ANKRD30A: variants seen among roughly 807,000 people sequenced by gnomAD.
The protein encoded by ANKRD30A is ankyrin repeat domain 30A, also known as ankyrin repeat domain-containing protein 30A.
A neutral mutation model predicts 166.3 loss-of-function variants in ANKRD30A; 170 were observed. The observed-to-expected ratio is 1.02, with a 90% CI of 0.90 to 1.16. The LOEUF (loss-of-function observed/expected upper bound fraction) is 1.16. Among genes scored for constraint, ANKRD30A ranks in the 50% most tolerant of loss-of-function variants. The probability of loss-of-function intolerance (pLI) is 0.00; values close to 1 mark genes in which losing one functional copy is unlikely to be tolerated. For synonymous variants in ANKRD30A, 564 were observed against 508.9 expected (o/e 1.11, Z -1.46); for missense variants, 1,630 against 1,518.0 (o/e 1.07, Z -1.23).
chr10:37,125,846 C>A lies in ANKRD30A; in HGVS notation c.59C>A (p.Pro20His). The A allele has an allele frequency of 7.9e-7, 1 of 1,260,178 alleles. No individual in the cohort carries two copies. Among genetic ancestry groups the A allele is most frequent in the Admixed American group, 2.0e-5 (1 of 50,474 alleles). The allele number at this position is 1,260,178 out of a possible 1,614,324, so 78.1% of individuals were successfully genotyped here. A position where few individuals can be genotyped will look rare whatever the true frequency, so the allele number is the denominator to read the frequency against. The change falls in exon 1 of 36, where the codon CCT (proline) becomes CAT (histidine). Residue 20 changes from proline to histidine, a missense_variant. Physicochemically the swap from Pro to His is moderately conservative, Grantham distance 77. Transcript: ENST00000361713. ...GTGCCGGGCCCGGAGCGCCCGAGCCCTTTCAGCCAGCTAGTCTATACCAGC... is the reference window on the plus strand; with the variant it reads ...GTGCCGGGCCCGGAGCGCCCGAGCCATTTCAGCCAGCTAGTCTATACCAGC... ...KVVPGPERPS[P>H]FSQLVYTSND...
Position 37,142,228 on chromosome 10 carries a change from AAGG to A in ANKRD30A, c.1333_1335del (p.Gly445del). On this transcript the variant is annotated inframe_deletion, in exon 7 of 36. Coordinates refer to ENST00000361713, the MANE Select transcript of ANKRD30A (RefSeq NM_052997.3). ...TCTAATAAAACTAAAGTTTTGGAAA[AAGG>A]AAGATCTAAGATGATTGCATGTCCT... The A allele has an allele frequency of 6.2e-7, 1 of 1,608,272 alleles. No individual in the cohort carries two copies. Among genetic ancestry groups the A allele is most frequent in the African/African-American group, 1.3e-5 (1 of 74,446 alleles).
At chr10:37,243,757 T>C in the ANKRD30A span, among the ~76,000 whole-genome samples, 1 of 152,124 alleles carries the variant, frequency 6.6e-6, no homozygotes, top group East Asian at 1.9e-4. Context: ...AAAACACTTG[T>C]AACAAACAGT....
At chr10:37,260,847 T>C in the ANKRD30A span, among the ~76,000 whole-genome samples, 9 of 151,850 alleles carry the variant, frequency 5.9e-5, no homozygotes, top group African/African-American at 2.2e-4. Flanking sequence ...AACTAAACAT[T>C]GAGTATGCAT....
intron 29 of ANKRD30A, among the ~76,000 whole-genome samples, chr10:37,198,370 T>A (rs1384497490): frequency 6.6e-6 from 1 of 152,120 alleles, no homozygotes; most frequent in Admixed American, 6.5e-5. Context: ...ATTAGGTTAT[T>A]TATAAAATTC....
the ANKRD30A span, among the ~76,000 whole-genome samples, chr10:37,256,532 C>T: frequency 1.3e-5 from 2 of 152,208 alleles, no homozygotes; most frequent in African/African-American, 4.8e-5. Flanking sequence ...GACAGACCTT[C>T]TCTCTCCAGT....
intron 32 of ANKRD30A, 107 bp downstream of exon 32, chr10:37,216,501 A>G: frequency 9.2e-7 from 1 of 1,091,324 alleles, no homozygotes; most frequent in Admixed American, 3.0e-5. Context: ...CTGGAGAAAA[A>G]AATGTCTGTC....
intron 31 of ANKRD30A, among the ~76,000 whole-genome samples, chr10:37,205,159 T>C (rs182104439): frequency 1.3e-5 from 2 of 152,238 alleles, no homozygotes; most frequent in Admixed American, 1.3e-4. Context: ...CATATGTTTA[T>C]TGCAGCACTC....
chr10:37,214,539 G>GAT (rs1842503887), intron 31 of ANKRD30A, among the ~76,000 whole-genome samples: 5 of 123,682 alleles, frequency 4.0e-5, no homozygotes, highest in African/African-American at 1.5e-4. Context: ...TAGTTTTATA[G>GAT]GTATATATAT....
At chr10:37,201,995 T>C (rs757807154) in intron 31 of ANKRD30A, among the ~76,000 whole-genome samples, 1 of 152,114 alleles carries the variant, frequency 6.6e-6, no homozygotes, top group South Asian at 2.1e-4. Context: ...GTGATTCAGC[T>C]GACTTGGGAT....
chr10:37,216,088 A>C, intron 31 of ANKRD30A, 93 bp from the exon 32 acceptor site: 1 of 848,942 alleles, frequency 1.2e-6, no homozygotes, highest in Admixed American at 2.8e-5. Context: ...ATCAATATAT[A>C]TTTGTTCAGT....
At chr10:37,211,639 G>A (rs575132291) in intron 31 of ANKRD30A, among the ~76,000 whole-genome samples, 2 of 152,168 alleles carry the variant, frequency 1.3e-5, no homozygotes, top group Non-Finnish European at 2.9e-5. Context: ...AATCCTTTGG[G>A]TATATAACCA....
intron 17 of ANKRD30A, among the ~76,000 whole-genome samples, chr10:37,164,064 G>T (rs1839113281): frequency 6.8e-6 from 1 of 147,412 alleles, no homozygotes; most frequent in African/African-American, 2.5e-5. Context: ...TGAGTTTCCT[G>T]GACCCTCTGC....
chr10:37,164,949 A>T, intron 17 of ANKRD30A, 145 bp from the exon 18 acceptor site: 5 of 773,324 alleles, frequency 6.5e-6, no homozygotes, highest in Non-Finnish European at 8.6e-6. Context: ...TGACTATAGA[A>T]GTAGTCATTG....
chr10:37,151,398 C>G (rs546316985), intron 11 of ANKRD30A, among the ~76,000 whole-genome samples: 1 of 152,166 alleles, frequency 6.6e-6, no homozygotes, highest in African/African-American at 2.4e-5. Flanking sequence ...TCCAAGGTGT[C>G]ACAAACTGAC....
chr10:37,183,698 C>G (rs1407376248), intron 24 of ANKRD30A, among the ~76,000 whole-genome samples: 1 of 147,972 alleles, frequency 6.8e-6, no homozygotes, highest in Admixed American at 6.8e-5. Context: ...TGTGAAAATT[C>G]TCCACGGCTT....
At chr10:37,160,653 T>TATA (rs1271754910) in intron 15 of ANKRD30A, among the ~76,000 whole-genome samples, 2 of 152,190 alleles carry the variant, frequency 1.3e-5, no homozygotes, top group Non-Finnish European at 2.9e-5. Flanking sequence ...AAATTTTGTT[T>TATA]ATAATGAAAA....
intron 6 of ANKRD30A, among the ~76,000 whole-genome samples, 160 bp downstream of exon 6, chr10:37,136,831 G>GTATATATA (rs71531277): frequency 4.9e-5 from 7 of 141,982 alleles, no homozygotes; most frequent in Non-Finnish European, 9.1e-5. Context: ...GTGTGTGTGT[G>GTATATATA]TATATATATA....
the ANKRD30A span, among the ~76,000 whole-genome samples, chr10:37,258,419 G>C: frequency 6.6e-6 from 1 of 152,092 alleles, no homozygotes; most frequent in Non-Finnish European, 1.5e-5. Context: ...GATGGTATTA[G>C]CAGAAGGACA....
At chr10:37,158,276 T>G in intron 13 of ANKRD30A, 116 bp from the exon 14 acceptor site, 2 of 1,441,652 alleles carry the variant, frequency 1.4e-6, no homozygotes, top group Non-Finnish European at 1.9e-6. Context: ...AAACATAGTG[T>G]AATCCGTTTT....
Sources: allele counts gnomAD v4.1 joint callset (sites outside exome capture counted in the v4.1 genomes callset), GRCh38; gene constraint gnomAD v4.1.1; transcripts MANE v1.5; gene names NCBI Gene and HGNC (gene_info 2026-07-23, HGNC 2026-07-21).